Variants in ADAMTSL4 observed in about 807,000 individuals in gnomAD.
The protein encoded by ADAMTSL4 is ADAMTS-like protein 4.
A neutral mutation model predicts 122.8 loss-of-function variants in ADAMTSL4; 97 were observed. The ratio of observed to expected loss-of-function variants is 0.79; its 90% CI spans 0.67 to 0.93. ADAMTSL4 has a LOEUF of 0.93. Among genes scored for constraint, ADAMTSL4 ranks in the 40% least tolerant of loss-of-function variants. The pLI is 0.00. For synonymous variants in ADAMTSL4, 592 were observed against 568.0 expected, an observed-to-expected ratio of 1.04 and a Z score of -0.60; for missense variants, 1,408 against 1,453.5, an observed-to-expected ratio of 0.97 and a Z score of 0.51.
In ADAMTSL4 at chr1:150,556,395, T is replaced by G. The variant is rs777591653; in HGVS notation, c.1576+29T>G. 36 of 1,613,084 alleles carry G rather than the reference T, an allele frequency of 2.2e-5. No homozygotes were observed. Among genetic ancestry groups the G allele is most frequent in the Non-Finnish European group, 2.9e-5 (34 of 1,179,690 alleles). On this transcript the variant is annotated intron_variant, in intron 9 of 18. Transcript: ENST00000271643. This position sits in a 1 kb window ranked among gnomAD's most constrained non-coding sequence, Gnocchi z 4.1. ...AGCACCCAGCTGCCTCCCCTTCCAC[T>G]TCCGTCTCTGTTCGGCCCTCCATAC... is the stretch of plus-strand genomic sequence containing the variant.
intron 13 of ADAMTSL4, 140 bp from the exon 14 acceptor site, chr1:150,557,805 A>G: frequency 7.7e-7 from 1 of 1,299,496 alleles, no homozygotes. Context: ...GCCCCCCAGG[A>G]ACCCAGACTC....
At position 150,554,151 on chromosome 1, in the gene ADAMTSL4, C is replaced by G; in HGVS notation, c.1131+29C>G. 2.5e-6 allele frequency: 4 copies of G among 1,596,564 alleles called. No individual in the cohort carries two copies. Among genetic ancestry groups the G allele is most frequent in the Non-Finnish European group, 3.4e-6 (4 of 1,178,714 alleles). On this transcript the variant is annotated intron_variant, in intron 6 of 18. Coordinates refer to ENST00000271643, the MANE Select transcript of ADAMTSL4 (RefSeq NM_019032.6). The surrounding 1 kb of genome is among the most constrained non-coding windows in gnomAD (Gnocchi z 4.0). ...AGTCTCCTCGGGCCTCCCCTCCCAA[C>G]CCCGACCTCCAGTGTGGCTTCCCTG... is the stretch of plus-strand genomic sequence containing the variant.
At position 150,556,700 on chromosome 1, in the gene ADAMTSL4, G is replaced by A. The variant is rs758599406; in HGVS notation, c.1656G>A (p.Gly552=). The A allele has an allele frequency of 5.0e-6, 8 of 1,614,036 alleles. No homozygotes were observed. The highest frequency in any genetic ancestry group is 6.8e-6 in the Non-Finnish European group (8 of 1,179,996). The change falls in exon 10 of 19, where the codon GGG becomes GGA. Residue 552 remains glycine (G), a synonymous_variant. Transcript: ENST00000271643. The surrounding 1 kb of genome is among the most constrained non-coding windows in gnomAD (Gnocchi z 4.1). ...CCCCTGGGTCCTACAGGGCCGGCGG[G>A]ACCGTCTTTCGATATAACCGTCCTC... The part of the protein sequence containing the change: ...VDPPGSYRAG[G]TVFRYNRPPR...
At position 150,557,181 on chromosome 1, in the gene ADAMTSL4, G is replaced by A. The variant is rs112045022; in HGVS notation, c.1893G>A (p.Pro631=). 1.1e-3 allele frequency: 1,694 copies of A among 1,611,638 alleles called. 1 individual carries two copies. Among genetic ancestry groups the A allele is most frequent in the Non-Finnish European group, 1.2e-3 (1,474 of 1,179,778 alleles). ...EILRVEPPLA[P]APRPARTPGT... is the part of the protein sequence containing the mutation. ...TGAGGGTGGAGCCCCCACTTGCTCC[G>A]GCACCCCGCCCAGCCCGGACCCCAG... is the stretch of plus-strand genomic sequence containing the variant. Residue 631 remains proline (P), a synonymous_variant, in exon 12 of 19, where the codon CCG becomes CCA. Transcript: ENST00000271643.
At position 150,553,999 on chromosome 1, in the gene ADAMTSL4, C is replaced by T. The variant is rs764778706; in HGVS notation, c.1008C>T (p.Gly336=). 55 of 1,611,650 alleles carry T rather than the reference C, an allele frequency of 3.4e-5. No homozygotes were observed. In the Admixed American group the frequency reaches 4.7e-4, roughly 14 times the overall value. ...PRLEPDPQHP[G]AWLPLLSNGP... ...TGGAGCCTGACCCTCAGCACCCGGG[C>T]GCCTGGCTGCCCCTGCTGAGCAACG... is the stretch of plus-strand genomic sequence containing the variant. The change falls in exon 6 of 19, where the codon GGC becomes GGT. Residue 336 remains glycine (G), a synonymous_variant. Coordinates refer to ENST00000271643, the MANE Select transcript of ADAMTSL4 (RefSeq NM_019032.6).
chr1:150,557,797 C>A (rs878866820), intron 13 of ADAMTSL4, 148 bp from the exon 14 acceptor site: 1 of 1,086,738 alleles, frequency 9.2e-7, no homozygotes. Flanking sequence ...CAGGCTGAGC[C>A]CCCCAGGAAC....
In ADAMTSL4 at chr1:150,552,665, C is replaced by A; in HGVS notation, c.78+65C>A. ...ACCCTTTCATCTCCCCCTAGGCTCCCACCCCATCTCTCCAGGCCACGCCTC... is the reference window on the plus strand; with the variant it reads ...ACCCTTTCATCTCCCCCTAGGCTCCAACCCCATCTCTCCAGGCCACGCCTC... On this transcript the variant is annotated intron_variant, in intron 4 of 18. Transcript: ENST00000271643. This position sits in a 1 kb window ranked among gnomAD's most constrained non-coding sequence, Gnocchi z 4.0. 6.4e-7 allele frequency: 1 copy of A among 1,554,486 alleles called. No homozygotes were observed. The highest frequency in any genetic ancestry group is 8.7e-7 in the Non-Finnish European group (1 of 1,145,648).
At chr1:150,558,234 C>G in intron 14 of ADAMTSL4, 85 bp downstream of exon 14, 7 of 1,592,388 alleles carry the variant, frequency 4.4e-6, no homozygotes, top group Non-Finnish European at 6.0e-6. Flanking sequence ...TCTTTTTCAT[C>G]AGCAGAAACT....
chr1:150,559,099 C>G lies in ADAMTSL4; in HGVS notation c.2697C>G (p.Asp899Glu). ...GTCCAACAGGAAGCCGGCCCCCTGA[C>G]ATGCGCGCCTGCAGCCTGGGGCCCT... ...QSCPTGSRPP[D>E]MRACSLGPCE... Residue 899 changes from aspartate (D) to glutamate (E), a missense_variant, in exon 16 of 19, where the codon GAC becomes GAG. Asp to Glu is a conservative substitution (Grantham distance 45). Transcript: ENST00000271643. The surrounding 1 kb of genome is among the most constrained non-coding windows in gnomAD (Gnocchi z 4.1). The G allele has an allele frequency of 6.2e-7, 1 of 1,612,976 alleles. No homozygotes were observed. Among genetic ancestry groups the G allele is most frequent in the Non-Finnish European group, 8.5e-7 (1 of 1,179,956 alleles).
Position 150,554,024 on chromosome 1 carries a change from G to C in ADAMTSL4, c.1033G>C (p.Gly345Arg). 6.2e-7 allele frequency: 1 copy of C among 1,611,248 alleles called. No individual in the cohort carries two copies. Among genetic ancestry groups the C allele is most frequent in the South Asian group, 1.1e-5 (1 of 91,076 alleles). ...PGAWLPLLSN[G>R]PHASSLWSLF... The stretch of plus-strand genomic sequence containing the variant: ...CGCCTGGCTGCCCCTGCTGAGCAAC[G>C]GCCCCCATGCCAGCTCCCTCTGGAG... Residue 345 changes from glycine (G) to arginine (R), a missense_variant, in exon 6 of 19, where the codon GGC becomes CGC. By Grantham distance (125) the Gly-to-Arg change is moderately radical. Coordinates refer to ENST00000271643, the MANE Select transcript of ADAMTSL4 (RefSeq NM_019032.6). This position sits in a 1 kb window ranked among gnomAD's most constrained non-coding sequence, Gnocchi z 4.0.
At chr1:150,558,197 G>T in intron 14 of ADAMTSL4, 48 bp downstream of exon 14, 1 of 1,609,786 alleles carries the variant, frequency 6.2e-7, no homozygotes, top group Non-Finnish European at 8.5e-7. Context: ...ATGGGCACAG[G>T]TGAACAACAG....
At position 150,559,453 on chromosome 1, in the gene ADAMTSL4, C is replaced by T. The variant is rs776459392; in HGVS notation, c.2930C>T (p.Thr977Met). ...GCCTGCCAGGACCGATGGTTTTCCA[C>T]GCCCTGGAGCCCAGTGAGTGTCTGG... The part of the protein sequence containing the change: ...GQACQDRWFS[T>M]PWSPCSRSCQ... The change falls in exon 17 of 19, where the codon ACG (threonine) becomes ATG (methionine). Residue 977 changes from threonine to methionine, a missense_variant. Transcript: ENST00000271643. The surrounding 1 kb of genome is among the most constrained non-coding windows in gnomAD (Gnocchi z 4.1). The T allele has an allele frequency of 7.4e-6, 12 of 1,613,338 alleles. No homozygotes were observed. Among genetic ancestry groups the T allele is most frequent in the South Asian group, 2.2e-5 (2 of 91,078 alleles).
chr1:150,551,117 T>A, intron 2 of ADAMTSL4: 1 of 411,192 alleles, frequency 2.4e-6, no homozygotes, highest in South Asian at 1.7e-5. Context: ...CAAGCCTCAC[T>A]TCTCCAGTGT....
At position 150,560,866 on chromosome 1, in the gene ADAMTSL4, C is replaced by G. The variant is rs774586242; in HGVS notation, c.*670C>G. On this transcript the variant is annotated 3_prime_UTR_variant, in exon 19 of 19. Coordinates refer to ENST00000271643, the MANE Select transcript of ADAMTSL4 (RefSeq NM_019032.6). Reference sequence around the variant, plus strand: ...CCCCGCCCAGCCCCTAGCCCCACTCCCTGCCTCCTGAAATGGTTCCCACCC... The same window carrying G: ...CCCCGCCCAGCCCCTAGCCCCACTCGCTGCCTCCTGAAATGGTTCCCACCC... 4.8e-4 allele frequency: 76 copies of G among 158,768 alleles called. No individual in the cohort carries two copies. Among genetic ancestry groups the G allele is most frequent in the Non-Finnish European group, 7.0e-4 (50 of 71,420 alleles). 9.8% of individuals were successfully genotyped at this position (158,768 alleles called of 1,614,324 possible).
rs374692787 is a variant in ADAMTSL4 at position 150,559,265 on chromosome 1, C to T, written c.2764-22C>T. ...TCTCTGTCCTCCCCTCCCCTCATCA[C>T]CCTGCCCTCCCCCTACACTAGTGCT... On this transcript the variant is annotated intron_variant, in intron 16 of 18. Transcript: ENST00000271643. The surrounding 1 kb of genome is among the most constrained non-coding windows in gnomAD (Gnocchi z 4.1). 2.0e-5 allele frequency: 32 copies of T among 1,613,908 alleles called. No individual in the cohort carries two copies. The African/African-American group carries it at 4.0e-4, about 20-fold the overall frequency.
In ADAMTSL4 at chr1:150,557,208, C is replaced by A. The variant is rs1408062243; in HGVS notation, c.1920C>A (p.Gly640=). The A allele has an allele frequency of 1.2e-6, 2 of 1,612,164 alleles. No individual in the cohort carries two copies. The highest frequency in any genetic ancestry group is 4.5e-5 in the East Asian group (2 of 44,846). Residue 640 remains glycine, a synonymous_variant, in exon 12 of 19, where the codon GGC becomes GGA. Coordinates refer to ENST00000271643, the MANE Select transcript of ADAMTSL4 (RefSeq NM_019032.6). ...APAPRPARTP[G]TLQRQVRIPQ... ...CACCCCGCCCAGCCCGGACCCCAGG[C>A]ACCCTCCAGCGTCAGGTGCGGATCC...
At position 150,559,706 on chromosome 1, in the gene ADAMTSL4, T is replaced by A. The variant is rs1672586907; in HGVS notation, c.2944-55T>A. 6.2e-7 allele frequency: 1 copy of A among 1,612,650 alleles called. No homozygotes were observed. Among genetic ancestry groups the A allele is most frequent in the East Asian group, 2.2e-5 (1 of 44,874 alleles). On this transcript the variant is annotated intron_variant, in intron 17 of 18. Coordinates refer to ENST00000271643, the MANE Select transcript of ADAMTSL4 (RefSeq NM_019032.6). The surrounding 1 kb of genome is among the most constrained non-coding windows in gnomAD (Gnocchi z 4.1). The stretch of plus-strand genomic sequence containing the variant: ...GGGGAGAGAGGTGGCAGCCAGGGGT[T>A]AAGGAGAATCCCGGGCCTGGCAAAG...
chr1:150,558,493 G>A lies in ADAMTSL4; in HGVS notation c.2403G>A (p.Arg801=). ...PWSQCSVRCG[R]GQRSRQVRCV... Reference sequence around the variant, plus strand: ...CTCAGTGCTCCGTGCGGTGCGGCCGGGGCCAGAGAAGCCGGCAGGTTCGCT... The same window carrying A: ...CTCAGTGCTCCGTGCGGTGCGGCCGAGGCCAGAGAAGCCGGCAGGTTCGCT... Residue 801 remains arginine (R), a synonymous_variant, in exon 15 of 19, where the codon CGG becomes CGA. Transcript: ENST00000271643. 6.2e-7 allele frequency: 1 copy of A among 1,613,756 alleles called. No individual in the cohort carries two copies. Among genetic ancestry groups the A allele is most frequent in the Non-Finnish European group, 8.5e-7 (1 of 1,180,024 alleles).
intron 8 of ADAMTSL4, among the ~76,000 whole-genome samples, 154 bp downstream of exon 8, chr1:150,555,719 G>GCA (rs59180838): frequency 8.1e-5 from 12 of 147,728 alleles, no homozygotes; most frequent in Non-Finnish European, 1.8e-4. Flanking sequence ...ATGCACACAC[G>GCA]CACACACACA....
Sources: gnomAD v4.1 joint callset for allele counts (sites outside exome capture counted in the v4.1 genomes callset) on GRCh38, gnomAD v4.1.1 for gene constraint, Gnocchi (gnomAD v3.1) non-coding constraint, MANE v1.5 for transcripts, NCBI Gene and HGNC (gene_info 2026-07-23, HGNC 2026-07-21) for gene names.